Variants in FGD5 observed in about 807,000 individuals in gnomAD.
FGD5 encodes FYVE, RhoGEF and PH domain-containing protein 5.
In FGD5, 28 loss-of-function variants were observed where a neutral mutation model predicts 133.4. The observed-to-expected ratio is 0.21, with a 90% CI of 0.16 to 0.29. The LOEUF is 0.29. Ranked by LOEUF, FGD5 falls within the 10% of genes least tolerant of loss-of-function variation. The probability of loss-of-function intolerance (pLI) is 1.00; values close to 1 mark genes in which losing one functional copy is unlikely to be tolerated. For synonymous variants in FGD5, 810 were observed against 776.5 expected, an observed-to-expected ratio of 1.04 and a Z score of -0.72; for missense variants, 1,858 against 1,895.2, an observed-to-expected ratio of 0.98 and a Z score of 0.36.
chr3:14,811,206 T>G (rs1559463190), intron 1 of FGD5, among the ~76,000 whole-genome samples: 1 of 152,130 alleles, frequency 6.6e-6, no homozygotes, highest in Non-Finnish European at 1.5e-5. Context: ...CAAAAGCGAC[T>G]TCGTCTGGCC....
intron 11 of FGD5, among the ~76,000 whole-genome samples, chr3:14,914,491 G>A (rs1438077332): frequency 1.3e-5 from 2 of 152,224 alleles, no homozygotes; most frequent in Non-Finnish European, 2.9e-5. Flanking sequence ...GCCTGGTCCC[G>A]AAAGGCGAAG....
At position 14,844,215 on chromosome 3, in the gene FGD5, AAAATATATATATAT is replaced by A. The variant is rs1243340252; in HGVS notation, c.2526-19911_2526-19898del. ...ATCTTAATAGGCATTAAAAAAAAAA[AAAATATATATATAT>A]ATATATATATATATATATATATATA... On this transcript the variant is annotated intron_variant, in intron 1 of 19. Coordinates refer to ENST00000285046, the MANE Select transcript of FGD5 (RefSeq NM_152536.4). 8.6e-3 allele frequency among the ~76,000 whole-genome samples: 236 copies of A among 27,488 alleles called. 13 individuals carry two copies. Among genetic ancestry groups the A allele is most frequent in the African/African-American group, 0.027 (172 of 6,330 alleles). 18.0% of individuals were successfully genotyped at this position (27,488 alleles called of 152,430 possible). A position where few individuals can be genotyped will look rare whatever the true frequency, so the allele number is the denominator to read the frequency against.
At chr3:14,913,074 A>G (rs1687303) in intron 11 of FGD5, among the ~76,000 whole-genome samples, 12,594 of 151,964 alleles carry the variant, frequency 0.083, 974 homozygotes, top group East Asian at 0.42. Context: ...AGAAATCCCC[A>G]AATGTAGGGG....
At chr3:14,916,379 C>T (rs772274928) in intron 11 of FGD5, among the ~76,000 whole-genome samples, 1 of 152,190 alleles carries the variant, frequency 6.6e-6, no homozygotes, top group Non-Finnish European at 1.5e-5. Flanking sequence ...GATAAAGTGA[C>T]TTTCATTACA....
chr3:14,907,567 A>T lies in FGD5; in HGVS notation c.3265-73A>T. On this transcript the variant is annotated intron_variant, in intron 9 of 19. Transcript: ENST00000285046. ...TTTTGTCTGAAACAGAAGCAACGCC[A>T]TGCCTTACAGAGGAGATAAGACGCC... is the stretch of plus-strand genomic sequence containing the variant. The T allele has an allele frequency of 3.6e-6, 5 of 1,383,354 alleles. No homozygotes were observed. In the Admixed American group the frequency reaches 1.0e-4, roughly 28 times the overall value. The allele number at this position is 1,383,354 out of a possible 1,614,324, so 85.7% of individuals were successfully genotyped here. A position where few individuals can be genotyped will look rare whatever the true frequency, so the allele number is the denominator to read the frequency against.
intron 1 of FGD5, among the ~76,000 whole-genome samples, chr3:14,854,814 A>G (rs1466755780): frequency 2.0e-5 from 3 of 152,214 alleles, no homozygotes; most frequent in Non-Finnish European, 4.4e-5. Context: ...TCAGATCAGG[A>G]TAGTTAGCAT....
chr3:14,829,854 C>T (rs2036672860), intron 1 of FGD5, among the ~76,000 whole-genome samples: 1 of 152,162 alleles, frequency 6.6e-6, no homozygotes, highest in Non-Finnish European at 1.5e-5. Context: ...CCTTAGAATG[C>T]ATAAATATTT....
chr3:14,925,674 A>G (rs2038788919), intron 17 of FGD5, among the ~76,000 whole-genome samples: 1 of 152,248 alleles, frequency 6.6e-6, no homozygotes, highest in Non-Finnish European at 1.5e-5. Context: ...CCTTTTAGGC[A>G]ACAGTACAAA....
At position 14,820,067 on chromosome 3, in the gene FGD5, T is replaced by C; in HGVS notation, c.996T>C (p.Asn332=). ...GCTGCCAGATTGTCCCTTTTGAGAA[T>C]GACTGCATGGAGGACTTCGTGACTT... ...EESCQIVPFE[N]DCMEDFVTSL... is the part of the protein sequence containing the mutation. The change falls in exon 1 of 20, where the codon AAT becomes AAC. Residue 332 remains asparagine, a synonymous_variant. Coordinates refer to ENST00000285046, the MANE Select transcript of FGD5 (RefSeq NM_152536.4). 6.2e-7 allele frequency: 1 copy of C among 1,614,046 alleles called. No individual in the cohort carries two copies. The highest frequency in any genetic ancestry group is 8.5e-7 in the Non-Finnish European group (1 of 1,179,894).
chr3:14,846,807 C>T (rs892049989), intron 1 of FGD5, among the ~76,000 whole-genome samples: 1 of 152,242 alleles, frequency 6.6e-6, no homozygotes, highest in Non-Finnish European at 1.5e-5. Context: ...GTGACAATGC[C>T]TACCTTACAT....
At chr3:14,817,177 T>C (rs1049601327), upstream of FGD5, among the ~76,000 whole-genome samples, 5 of 152,244 alleles carry the variant, frequency 3.3e-5, no homozygotes, top group African/African-American at 9.6e-5. Flanking sequence ...TTGAGTCCAA[T>C]AAAATATATC....
chr3:14,917,341 C>A lies in FGD5; in HGVS notation c.3489+9C>A. 1 of 1,610,980 alleles carries A rather than the reference C, an allele frequency of 6.2e-7. No individual in the cohort carries two copies. Among genetic ancestry groups the A allele is most frequent in the Non-Finnish European group, 8.5e-7 (1 of 1,178,574 alleles). ...CTGTGGCCAACATGAAGGTAAATAT[C>A]TGGTGCCAGGTACCCCCGGGTTGGG... On this transcript the variant is annotated intron_variant, in intron 12 of 19. Coordinates refer to ENST00000285046, the MANE Select transcript of FGD5 (RefSeq NM_152536.4). The surrounding 1 kb of genome is among the most constrained non-coding windows in gnomAD (Gnocchi z 4.1).
At chr3:14,891,430 C>G (rs887689814) in intron 4 of FGD5, among the ~76,000 whole-genome samples, 1 of 152,256 alleles carries the variant, frequency 6.6e-6, no homozygotes, top group East Asian at 1.9e-4. Context: ...CTCTTTACAG[C>G]TTAGCCATGT....
intron 1 of FGD5, among the ~76,000 whole-genome samples, chr3:14,848,505 C>T (rs1056773434): frequency 6.6e-6 from 1 of 152,020 alleles, no homozygotes; most frequent in East Asian, 1.9e-4. Flanking sequence ...TGCAAAAAGG[C>T]CAGGCCAGCC....
Position 14,897,168 on chromosome 3 carries a change from C to T in FGD5, c.2749-341C>T, listed in dbSNP as rs967111964. 1.3e-4 allele frequency: 31 copies of T among 244,212 alleles called. 1 individual carries two copies. The highest frequency in any genetic ancestry group is 2.2e-4 in the Non-Finnish European group (29 of 129,866). 15.1% of individuals were successfully genotyped at this position (244,212 alleles called of 1,614,324 possible). A position where few individuals can be genotyped will look rare whatever the true frequency, so the allele number is the denominator to read the frequency against. On this transcript the variant is annotated intron_variant, in intron 4 of 19. Transcript: ENST00000285046. The stretch of plus-strand genomic sequence containing the variant: ...AATGAGAAAGCAAAACCTTCTGCTT[C>T]GTTATAGAAGGAATTACCCAATCTC...
intron 1 of FGD5, among the ~76,000 whole-genome samples, chr3:14,855,060 C>T (rs2037251921): frequency 6.6e-6 from 1 of 152,126 alleles, no homozygotes; most frequent in African/African-American, 2.4e-5. Context: ...CCACTTTTTA[C>T]GTCTATGAGG....
At chr3:14,907,019 C>T (rs1174421204) in intron 9 of FGD5, among the ~76,000 whole-genome samples, 1 of 152,182 alleles carries the variant, frequency 6.6e-6, no homozygotes, top group African/African-American at 2.4e-5. Flanking sequence ...ATGGAAAGGA[C>T]TTTTCAGGGC....
chr3:14,840,231 A>G (rs182229395), intron 1 of FGD5, among the ~76,000 whole-genome samples: 173 of 151,550 alleles, frequency 1.1e-3, no homozygotes, highest in Non-Finnish European at 1.5e-3. Context: ...TGCAACCTCC[A>G]TCTCCTGGGT....
chr3:14,883,691 G>A (rs1019843950), intron 4 of FGD5, among the ~76,000 whole-genome samples: 1 of 152,238 alleles, frequency 6.6e-6, no homozygotes, highest in Non-Finnish European at 1.5e-5. Flanking sequence ...CTCTGAACCT[G>A]CCCTTGAGTA....
Sources: gnomAD v4.1 joint callset for allele counts (sites outside exome capture counted in the v4.1 genomes callset) on GRCh38, gnomAD v4.1.1 for gene constraint, Gnocchi (gnomAD v3.1) non-coding constraint, MANE v1.5 for transcripts, NCBI Gene and HGNC (gene_info 2026-07-23, HGNC 2026-07-21) for gene names.